Variants in TNFRSF10A observed in about 807,000 individuals in gnomAD.
TNFRSF10A encodes tumor necrosis factor receptor superfamily member 10A.
Under a neutral mutation model 42.8 loss-of-function variants are expected in TNFRSF10A, and 44 were observed. That is an observed-to-expected ratio of 1.03 (90% confidence interval 0.81 to 1.32). TNFRSF10A has a LOEUF of 1.32. Among genes scored for constraint, TNFRSF10A ranks in the 40% most tolerant of loss-of-function variants. TNFRSF10A has a pLI of 0.00. For missense variants in TNFRSF10A, 680 were observed against 602.0 expected, an observed-to-expected ratio of 1.13 and a Z score of -1.36; for synonymous variants, 259 against 234.2, an observed-to-expected ratio of 1.11 and a Z score of -0.97.
intron 9 of TNFRSF10A, among the ~76,000 whole-genome samples, chr8:23,194,150 C>A (rs923582450): frequency 1.3e-5 from 2 of 152,182 alleles, no homozygotes; most frequent in Non-Finnish European, 2.9e-5. Context: ...GTTTGTATTA[C>A]TGTCTCATGG....
chr8:23,200,314 G>A (rs559840894), intron 6 of TNFRSF10A, among the ~76,000 whole-genome samples, 191 bp downstream of exon 6: 70 of 152,286 alleles, frequency 4.6e-4, no homozygotes, highest in Non-Finnish European at 8.2e-4. Context: ...CCCCAGCCTT[G>A]GGAGAGGGAC....
At chr8:23,199,818 A>C (rs1486078009) in intron 7 of TNFRSF10A, 68 bp downstream of exon 7, 1 of 1,607,298 alleles carries the variant, frequency 6.2e-7, no homozygotes, top group Non-Finnish European at 8.5e-7. Context: ...ACCCACCTGG[A>C]CTACACTGTG....
intron 2 of TNFRSF10A, among the ~76,000 whole-genome samples, chr8:23,206,324 G>A (rs1009277680): frequency 2.0e-5 from 3 of 152,164 alleles, no homozygotes; most frequent in Non-Finnish European, 4.4e-5. Flanking sequence ...AATGTCCCAG[G>A]CCTTCACATT....
intron 1 of TNFRSF10A, among the ~76,000 whole-genome samples, chr8:23,217,476 G>A (rs1338801191): frequency 7.9e-5 from 12 of 151,914 alleles, no homozygotes; most frequent in African/African-American, 2.2e-4. Context: ...TCAGCCTCCC[G>A]AAGTGCTGGG....
In TNFRSF10A at chr8:23,199,446, C is replaced by T. The variant is rs201991788; in HGVS notation, c.834G>A (p.Val278=). The change falls in exon 8 of 10, where the codon GTG becomes GTA. Residue 278 remains valine (V), a splice_region_variant and synonymous_variant. Coordinates refer to ENST00000221132, the MANE Select transcript of TNFRSF10A (RefSeq NM_003844.4). ...CGGDPKCMDR[V]CFWRLGLLRG... ...GTAGGAGACCCAAGCGCCAGAAACA[C>T]ACCTTAGGAAGGCAAAGAGCCAACT... 5.0e-6 allele frequency: 8 copies of T among 1,609,702 alleles called. No individual in the cohort carries two copies. Among genetic ancestry groups the T allele is most frequent in the South Asian group, 2.2e-5 (2 of 91,046 alleles).
chr8:23,199,745 A>T, intron 7 of TNFRSF10A, 141 bp downstream of exon 7: 1 of 1,179,078 alleles, frequency 8.5e-7, no homozygotes, highest in Non-Finnish European at 1.2e-6. Flanking sequence ...TGTCCCCCAT[A>T]GTCAATGCAC....
rs755952398 is a variant in TNFRSF10A, at chr8:23,224,875, C to A, written c.187G>T (p.Gly63Ter). 1.3e-6 allele frequency: 2 copies of A among 1,580,020 alleles called. No individual in the cohort carries two copies. The highest frequency in any genetic ancestry group is 8.6e-7 in the Non-Finnish European group (1 of 1,163,030). The change falls in exon 1 of 10, where the codon GGA becomes TGA. Residue 63 changes from glycine (G) to a stop codon, truncating the protein, a stop_gained. Coordinates refer to ENST00000221132, the MANE Select transcript of TNFRSF10A (RefSeq NM_003844.4). LOFTEE classifies it high-confidence loss of function. ...GALPTSMGQH[G>*]PSARARAGRA... ...CCTGCCCGGGCCCGGGCACTGGGTC[C>A]GTGCTGTCCCATGGAGGTAGGGAGC...
chr8:23,205,238 C>T (rs1160380040), intron 2 of TNFRSF10A, among the ~76,000 whole-genome samples: 1 of 152,024 alleles, frequency 6.6e-6, no homozygotes, highest in African/African-American at 2.4e-5. Flanking sequence ...TGCATGATGA[C>T]GTTTCGGTCA....
chr8:23,214,762 G>C (rs1030330762), intron 1 of TNFRSF10A, among the ~76,000 whole-genome samples: 2 of 152,138 alleles, frequency 1.3e-5, no homozygotes, highest in African/African-American at 2.4e-5. Context: ...TTACTAATGA[G>C]GGTTAGGTGA....
intron 1 of TNFRSF10A, among the ~76,000 whole-genome samples, chr8:23,219,489 G>A (rs971438144): frequency 1.3e-5 from 2 of 151,862 alleles, no homozygotes; most frequent in Admixed American, 1.3e-4. Context: ...CCAAAACACG[G>A]CTGCTATTAT....
chr8:23,223,837 A>G (rs1354752817), intron 1 of TNFRSF10A, among the ~76,000 whole-genome samples: 2 of 152,230 alleles, frequency 1.3e-5, no homozygotes, highest in African/African-American at 2.4e-5. Context: ...CTCCTGAAGG[A>G]AGGGCGTGCC....
At chr8:23,221,195 C>T (rs1191219102) in intron 1 of TNFRSF10A, among the ~76,000 whole-genome samples, 4 of 152,180 alleles carry the variant, frequency 2.6e-5, no homozygotes, top group African/African-American at 4.8e-5. Context: ...GACACCAGCC[C>T]TGAGCATGTG....
rs1372328435 is a variant in TNFRSF10A at position 23,202,641 on chromosome 8, T to C, written c.517+7A>G. The C allele has an allele frequency of 1.9e-6, 3 of 1,611,172 alleles. No individual in the cohort carries two copies. In the African/African-American group the frequency reaches 4.0e-5, roughly 21 times the overall value. Reference sequence around the variant, plus strand: ...ACCTCTGGACAAGAGGTCCACACATTCTGTACCTGATTTACAAGCTGTACA... The same window carrying C: ...ACCTCTGGACAAGAGGTCCACACATCCTGTACCTGATTTACAAGCTGTACA... On this transcript the variant is annotated splice_region_variant and intron_variant, in intron 3 of 9. Coordinates refer to ENST00000221132, the MANE Select transcript of TNFRSF10A (RefSeq NM_003844.4).
chr8:23,207,129 C>A, intron 2 of TNFRSF10A: 1 of 583,386 alleles, frequency 1.7e-6, no homozygotes, highest in Non-Finnish European at 3.3e-6. Context: ...TATCATCAAG[C>A]TTCCACTGAC....
chr8:23,193,507 G>T (rs1486425291), intron 9 of TNFRSF10A, among the ~76,000 whole-genome samples: 1 of 152,210 alleles, frequency 6.6e-6, no homozygotes, highest in Admixed American at 6.5e-5. Flanking sequence ...GGTTGAACAG[G>T]CCCAAGTGAC....
chr8:23,204,579 T>C (rs1221251591), intron 2 of TNFRSF10A, among the ~76,000 whole-genome samples: 1 of 152,164 alleles, frequency 6.6e-6, no homozygotes, highest in Admixed American at 6.5e-5. Flanking sequence ...TAAAACACTC[T>C]ACTCAATCAA....
intron 6 of TNFRSF10A, 113 bp from the exon 7 acceptor site, chr8:23,200,030 C>T: frequency 7.3e-7 from 1 of 1,368,850 alleles, no homozygotes; most frequent in Middle Eastern, 2.3e-4. Context: ...GGACAAAGAT[C>T]CCCGGGCCTG....
At chr8:23,220,477 C>G (rs1426281487) in intron 1 of TNFRSF10A, among the ~76,000 whole-genome samples, 1 of 152,212 alleles carries the variant, frequency 6.6e-6, no homozygotes, top group African/African-American at 2.4e-5. Flanking sequence ...TGGCCGTGCT[C>G]CTCTTCAGCT....
Position 23,190,480 on chromosome 8 carries a change from A to G in TNFRSF10A, c.*1214T>C, listed in dbSNP as rs563639830. 3 of 152,292 alleles carry G rather than the reference A, an allele frequency of 2.0e-5. No individual in the cohort carries two copies. Among genetic ancestry groups the G allele is most frequent in the African/African-American group, 7.2e-5 (3 of 41,556 alleles). 9.4% of individuals were successfully genotyped at this position (152,292 alleles called of 1,614,324 possible). A position where few individuals can be genotyped will look rare whatever the true frequency, so the allele number is the denominator to read the frequency against. On this transcript the variant is annotated 3_prime_UTR_variant, in exon 10 of 10. Transcript: ENST00000221132. ...TAACCAAATCTTTGCATAGGTACCA[A>G]ATAACACATTTGTTTAGGATGAGAG...
Sources: gnomAD v4.1 joint callset for allele counts (sites outside exome capture counted in the v4.1 genomes callset) on GRCh38, gnomAD v4.1.1 for gene constraint, MANE v1.5 for transcripts, NCBI Gene and HGNC (gene_info 2026-07-23, HGNC 2026-07-21) for gene names.